The following ENO1 variants were observed in gnomAD, a reference collection of about 807,000 sequenced individuals.
ENO1 encodes the protein enolase 1, also known as alpha-enolase.
ENO1 carries 33 observed loss-of-function variants against 46.3 expected under a neutral mutation model. That is an observed-to-expected ratio of 0.71 (90% CI 0.54 to 0.95). ENO1 has a LOEUF of 0.95. ENO1 is among the 40% of genes least tolerant of loss of function. The probability of loss-of-function intolerance (pLI) is 0.00; values close to 1 mark genes in which losing one functional copy is unlikely to be tolerated. For missense variants in ENO1, 488 were observed against 553.3 expected (o/e 0.88, Z 1.18); for synonymous variants, 220 against 216.0 (o/e 1.02, Z -0.16).
At chr1:8,871,098 A>ATT in intron 3 of ENO1, 1 of 1,207,864 alleles carries the variant, frequency 8.3e-7, no homozygotes, top group Non-Finnish European at 1.0e-6. Context: ...CACGTACGCC[A>ATT]TTAAACAACG....
chr1:8,864,873 G>A (rs965297977), intron 8 of ENO1, among the ~76,000 whole-genome samples: 32 of 152,174 alleles, frequency 2.1e-4, no homozygotes, highest in African/African-American at 7.7e-4. Flanking sequence ...TTCCTCTCCT[G>A]TAGAAAGGTG....
Position 8,878,606 on chromosome 1 carries a change from A to G in ENO1, c.-36T>C, listed in dbSNP as rs1401860426. On this transcript the variant is annotated 5_prime_UTR_variant, in exon 1 of 12. Coordinates refer to ENST00000234590, the MANE Select transcript of ENO1 (RefSeq NM_001428.5). ...TAGCCACTGGGTCTCGTCGCCTAGGAGAGGAAGCGGAGGGTGCTGCAGACA... is the reference window on the plus strand; with the variant it reads ...TAGCCACTGGGTCTCGTCGCCTAGGGGAGGAAGCGGAGGGTGCTGCAGACA... The G allele has an allele frequency of 6.6e-6, 3 of 455,876 alleles. No homozygotes were observed. Among genetic ancestry groups the G allele is most frequent in the Non-Finnish European group, 1.3e-5 (3 of 226,770 alleles). 28.2% of individuals were successfully genotyped at this position (455,876 alleles called of 1,614,324 possible). A position where few individuals can be genotyped will look rare whatever the true frequency, so the allele number is the denominator to read the frequency against.
In ENO1 at chr1:8,867,195, A is replaced by G. The variant is rs776492610; in HGVS notation, c.366T>C (p.Gly122=). ...LGVSLAVCKA[G]AVEKGVPLYR... ...ACAGGGGGACCCCCTTCTCAACGGC[A>G]CCAGCTTTGCAGACGGCAAGGGACA... is the stretch of plus-strand genomic sequence containing the variant. The change falls in exon 6 of 12, where the codon GGT becomes GGC. Residue 122 remains glycine (G), a synonymous_variant. Transcript: ENST00000234590. 3.1e-6 allele frequency: 5 copies of G among 1,614,060 alleles called. No homozygotes were observed. The highest frequency in any genetic ancestry group is 4.2e-6 in the Non-Finnish European group (5 of 1,180,034).
rs568724753 is a variant in ENO1 at position 8,876,797 on chromosome 1, GA to G, written c.-10+1782del. Among the ~76,000 whole-genome samples the G allele has an allele frequency of 1.7e-3, 220 of 131,464 alleles. 1 individual carries two copies. Among genetic ancestry groups the G allele is most frequent in the Middle Eastern group, 0.012 (3 of 254 alleles). The allele number at this position is 131,464 out of a possible 152,430, so 86.2% of individuals were successfully genotyped here. A position where few individuals can be genotyped will look rare whatever the true frequency, so the allele number is the denominator to read the frequency against. On this transcript the variant is annotated intron_variant, in intron 1 of 11. Transcript: ENST00000234590. ...TGGGCGACAGAGAGACTCCGTCTCA[GA>G]AAAAAAAAAAAAGACAAACGTCTTA... is the stretch of plus-strand genomic sequence containing the variant.
intron 3 of ENO1, chr1:8,871,149 C>T (rs1346456665): frequency 3.5e-6 from 4 of 1,133,704 alleles, no homozygotes; most frequent in Non-Finnish European, 4.3e-6. Flanking sequence ...GTGCTTCTTA[C>T]AGCATTAAAG....
At chr1:8,863,673 C>T (rs1642451183) in intron 9 of ENO1, among the ~76,000 whole-genome samples, 1 of 152,212 alleles carries the variant, frequency 6.6e-6, no homozygotes, top group Non-Finnish European at 1.5e-5. Context: ...AGCTCCCGAG[C>T]TCAAGTGATC....
At position 8,862,897 on chromosome 1, in the gene ENO1, G is replaced by A; in HGVS notation, c.1225C>T (p.Gln409Ter). 1.9e-6 allele frequency: 3 copies of A among 1,614,160 alleles called. No individual in the cohort carries two copies. Among genetic ancestry groups the A allele is most frequent in the Non-Finnish European group, 2.5e-6 (3 of 1,180,000 alleles). ...AGGAGCCCTCCTTACCTGAGGAGCTGGTTGTACTTGGCCAAGCGCTCAGAT... is the reference window on the plus strand; with the variant it reads ...AGGAGCCCTCCTTACCTGAGGAGCTAGTTGTACTTGGCCAAGCGCTCAGAT... ...CRSERLAKYN[Q>*]LLRIEEELGS... Residue 409 changes from glutamine to a stop codon, truncating the protein, a stop_gained, in exon 11 of 12, where the codon CAG (glutamine) becomes TAG (stop). Coordinates refer to ENST00000234590, the MANE Select transcript of ENO1 (RefSeq NM_001428.5). LOFTEE classifies it high-confidence loss of function.
At chr1:8,870,715 T>C (rs1557584829) in intron 3 of ENO1, 10 of 1,436,766 alleles carry the variant, frequency 7.0e-6, no homozygotes, top group Non-Finnish European at 9.1e-6. Flanking sequence ...CCCAGAGGGT[T>C]AGAGCCACAC....
intron 1 of ENO1, 191 bp downstream of exon 1, chr1:8,878,387 ATT>A (rs936636936): frequency 3.2e-6 from 1 of 315,984 alleles, no homozygotes; most frequent in Non-Finnish European, 6.1e-6. Flanking sequence ...TGCGCCTGGC[ATT>A]GCGCCCCCGC....
Position 8,863,894 on chromosome 1 carries a change from T to C in ENO1, c.1064A>G (p.Gln355Arg). The change falls in exon 9 of 12, where the codon CAG becomes CGG. Residue 355 changes from glutamine to arginine, a missense_variant. Coordinates refer to ENST00000234590, the MANE Select transcript of ENO1 (RefSeq NM_001428.5). ...GCTCGCCTGGGAAGACACTTACGCC[T>C]GAAGAGACTCGGTCACGGAGCCAAT... The part of the protein sequence containing the change: ...NQIGSVTESL[Q>R]ACKLAQANGW... 1.2e-6 allele frequency: 2 copies of C among 1,613,730 alleles called. No homozygotes were observed. Among genetic ancestry groups the C allele is most frequent in the Non-Finnish European group, 8.5e-7 (1 of 1,179,912 alleles).
At chr1:8,870,542 A>C (rs1380740989) in intron 3 of ENO1, 32 bp from the exon 4 acceptor site, 1 of 1,613,982 alleles carries the variant, frequency 6.2e-7, no homozygotes, top group Non-Finnish European at 8.5e-7. Context: ...AATTACTGAC[A>C]TTAACTTTAA....
rs1457441735 is a variant in ENO1 at position 8,878,624 on chromosome 1, T to C, written c.-54A>G. ...GCCTAGGAGAGGAAGCGGAGGGTGCTGCAGACACCGAGGTGAACGTAAAGC... is the reference window on the plus strand; with the variant it reads ...GCCTAGGAGAGGAAGCGGAGGGTGCCGCAGACACCGAGGTGAACGTAAAGC... On this transcript the variant is annotated 5_prime_UTR_variant, in exon 1 of 12. Coordinates refer to ENST00000234590, the MANE Select transcript of ENO1 (RefSeq NM_001428.5). The C allele has an allele frequency of 8.8e-6, 4 of 456,054 alleles. No homozygotes were observed. The highest frequency in any genetic ancestry group is 4.6e-5 in the South Asian group (3 of 64,564). 28.3% of individuals were successfully genotyped at this position (456,054 alleles called of 1,614,324 possible). A position where few individuals can be genotyped will look rare whatever the true frequency, so the allele number is the denominator to read the frequency against.
In ENO1 at chr1:8,865,308, T is replaced by G; in HGVS notation, c.842A>C (p.Lys281Thr). The change falls in exon 8 of 12, where the codon AAG (lysine) becomes ACG (threonine). Residue 281 changes from lysine (K) to threonine (T), a missense_variant. Transcript: ENST00000234590. ...ACCTGGGTAGTCCTTGATGAAGGAC[T>G]TGTACAGGTCAGCCAGCTGGTCAGG... ...ISPDQLADLYKSFIKDYPVVS... is the reference protein window; with the variant it reads ...ISPDQLADLYTSFIKDYPVVS... The G allele has an allele frequency of 6.2e-7, 1 of 1,614,196 alleles. No homozygotes were observed. Among genetic ancestry groups the G allele is most frequent in the Non-Finnish European group, 8.5e-7 (1 of 1,180,024 alleles).
chr1:8,878,392 GCCCCCGC>G lies in ENO1; in HGVS notation c.-10+181_-10+187del, dbSNP rs1642781418. ...GCCCAGCACGTGCGCCTGGCATTGC[GCCCCCGC>G]CCCGGGCCTCGGGGTGAGCGGGGGC... On this transcript the variant is annotated intron_variant, in intron 1 of 11. Transcript: ENST00000234590. The G allele has an allele frequency of 1.6e-4, 51 of 313,984 alleles. 1 individual carries two copies. The highest frequency in any genetic ancestry group is 1.2e-3 in the South Asian group (51 of 42,596). The allele number at this position is 313,984 out of a possible 1,614,324, so 19.4% of individuals were successfully genotyped here.
Position 8,866,294 on chromosome 1 carries a change from G to T in ENO1, c.652C>A (p.Leu218Met). ...GDEGGFAPNILENKEGLELLK... is the reference protein window; with the variant it reads ...GDEGGFAPNIMENKEGLELLK... ...GCGCCTTTACCTTCTTTATTCTCCA[G>T]GATGTTGGGAGCAAACCCGCCTTCA... Residue 218 changes from leucine to methionine, a missense_variant, in exon 7 of 12, where the codon CTG becomes ATG. Leu to Met is a conservative substitution (Grantham distance 15). Coordinates refer to ENST00000234590, the MANE Select transcript of ENO1 (RefSeq NM_001428.5). 1 of 1,614,054 alleles carries T rather than the reference G, an allele frequency of 6.2e-7. No individual in the cohort carries two copies. Among genetic ancestry groups the T allele is most frequent in the Non-Finnish European group, 8.5e-7 (1 of 1,180,018 alleles).
intron 6 of ENO1, 86 bp downstream of exon 6, chr1:8,867,031 A>T: frequency 6.5e-7 from 1 of 1,546,822 alleles, no homozygotes; most frequent in Non-Finnish European, 8.8e-7. Flanking sequence ...ATGTGTTAGG[A>T]TATCAAGGCA....
chr1:8,861,352 C>T lies in ENO1; in HGVS notation c.*8G>A, dbSNP rs371299158. On this transcript the variant is annotated 3_prime_UTR_variant, in exon 12 of 12. Transcript: ENST00000234590. ...AACAGGTGACCGAAGGGCTTGCCTG[C>T]CCACAGCTTACTTGGCCAAGGGGTT... 4.8e-5 allele frequency: 78 copies of T among 1,613,484 alleles called. No homozygotes were observed. Among genetic ancestry groups the T allele is most frequent in the Non-Finnish European group, 6.1e-5 (72 of 1,180,008 alleles).
At position 8,865,467 on chromosome 1, in the gene ENO1, T is replaced by C; in HGVS notation, c.683A>G (p.Lys228Arg). 2 of 1,613,170 alleles carry C rather than the reference T, an allele frequency of 1.2e-6. No individual in the cohort carries two copies. Among genetic ancestry groups the C allele is most frequent in the Admixed American group, 3.3e-5 (2 of 60,024 alleles). Residue 228 changes from lysine (K) to arginine (R), a missense_variant, in exon 8 of 12, where the codon AAG (lysine) becomes AGG (arginine). Lys to Arg is a conservative substitution (Grantham distance 26). Transcript: ENST00000234590. The stretch of plus-strand genomic sequence containing the variant: ...GTAGCCAGCTTTCCCAATAGCAGTC[T>C]TCAGCAGCTCCAGGCCTGGGAAGAG... ...LENKEGLELL[K>R]TAIGKAGYTD...
intron 11 of ENO1, among the ~76,000 whole-genome samples, chr1:8,861,797 G>A (rs954336216): frequency 2.7e-5 from 4 of 149,302 alleles, no homozygotes; most frequent in African/African-American, 9.9e-5. Flanking sequence ...AATATTGAAG[G>A]GACAACAAAT....
Sources: allele counts gnomAD v4.1 joint callset (sites outside exome capture counted in the v4.1 genomes callset), GRCh38; gene constraint gnomAD v4.1.1; transcripts MANE v1.5; gene names NCBI Gene and HGNC (gene_info 2026-07-23, HGNC 2026-07-21).